The following GLP1R variants were observed in gnomAD, a reference collection of about 807,000 sequenced individuals.
The protein encoded by GLP1R is glucagon like peptide 1 receptor.
GLP1R carries 32 observed loss-of-function variants against 68.4 expected under a neutral mutation model. The ratio of observed to expected loss-of-function variants is 0.47; its 90% CI spans 0.35 to 0.63. GLP1R has a LOEUF of 0.63. GLP1R is among the 20% of genes least tolerant of loss of function. GLP1R has a pLI of 0.00. For missense variants in GLP1R, 502 were observed against 594.9 expected, an observed-to-expected ratio of 0.84 and a Z score of 1.62; for synonymous variants, 263 against 244.4, an observed-to-expected ratio of 1.08 and a Z score of -0.71.
intron 6 of GLP1R, among the ~76,000 whole-genome samples, chr6:39,073,343 CACTT>C (rs1768724552): frequency 6.6e-6 from 1 of 152,238 alleles, no homozygotes; most frequent in Admixed American, 6.5e-5. Flanking sequence ...TTAGGCAAGT[CACTT>C]ACTTCTCTGA....
intron 11 of GLP1R, among the ~76,000 whole-genome samples, chr6:39,080,086 C>T (rs1768955870): frequency 6.6e-6 from 1 of 152,138 alleles, no homozygotes; most frequent in South Asian, 2.1e-4. Flanking sequence ...GGTGTTAAAA[C>T]CAGAGTTACG....
intron 1 of GLP1R, among the ~76,000 whole-genome samples, chr6:39,052,844 C>A (rs148926628): frequency 6.6e-6 from 1 of 152,194 alleles, no homozygotes; most frequent in Admixed American, 6.5e-5. Context: ...AAAGATAAAT[C>A]GTGTCCCACA....
chr6:39,080,786 T>A, intron 12 of GLP1R, 47 bp downstream of exon 12: 4 of 1,273,066 alleles, frequency 3.1e-6, no homozygotes, highest in Non-Finnish European at 3.4e-6. Flanking sequence ...GTGGGTACCA[T>A]CAGCCCGTCT....
chr6:39,087,288 G>A lies in GLP1R; in HGVS notation c.*1215G>A, dbSNP rs963892890. 2 of 152,220 alleles carry A rather than the reference G, an allele frequency of 1.3e-5. No homozygotes were observed. The highest frequency in any genetic ancestry group is 4.8e-5 in the African/African-American group (2 of 41,444). 9.4% of individuals were successfully genotyped at this position (152,220 alleles called of 1,614,324 possible). A position where few individuals can be genotyped will look rare whatever the true frequency, so the allele number is the denominator to read the frequency against. Reference sequence around the variant, plus strand: ...TGATGTTGTTTGGGAGAGTGCAGTAGTAATTGATTTGACCCACTCACACTT... The same window carrying A: ...TGATGTTGTTTGGGAGAGTGCAGTAATAATTGATTTGACCCACTCACACTT... On this transcript the variant is annotated 3_prime_UTR_variant, in exon 13 of 13. Coordinates refer to ENST00000373256, the MANE Select transcript of GLP1R (RefSeq NM_002062.5).
chr6:39,080,573 G>T (rs1203995224), intron 11 of GLP1R, 125 bp from the exon 12 acceptor site: 22 of 632,548 alleles, frequency 3.5e-5, no homozygotes, highest in Admixed American at 3.1e-4. Flanking sequence ...TCCTGGATCT[G>T]CCTGGGCCGC....
chr6:39,078,755 A>G (rs915296592), intron 8 of GLP1R, among the ~76,000 whole-genome samples: 2 of 151,982 alleles, frequency 1.3e-5, no homozygotes, highest in African/African-American at 4.8e-5. Context: ...ATGACTGTGT[A>G]TTTGGACTAT....
rs965914089 is a variant in GLP1R, at chr6:39,091,053, G to A, written c.*4980G>A. Among the ~76,000 whole-genome samples the A allele has an allele frequency of 6.6e-6, 1 of 152,160 alleles. No individual in the cohort carries two copies. Among genetic ancestry groups the A allele is most frequent in the African/African-American group, 2.4e-5 (1 of 41,448 alleles). On this transcript the variant is annotated 3_prime_UTR_variant, in exon 13 of 13. Transcript: ENST00000373256. ...AACCTTTAAATGCACCAACAGAGAGGTAAGCCAAGCTCTCAGGAGGGACAA... is the reference window on the plus strand; with the variant it reads ...AACCTTTAAATGCACCAACAGAGAGATAAGCCAAGCTCTCAGGAGGGACAA...
intron 5 of GLP1R, among the ~76,000 whole-genome samples, chr6:39,068,472 C>G (rs928853340): frequency 2.0e-5 from 3 of 152,196 alleles, no homozygotes; most frequent in African/African-American, 7.2e-5. Context: ...TGTGCCTTAA[C>G]TACTATAGAT....
intron 7 of GLP1R, among the ~76,000 whole-genome samples, chr6:39,075,316 C>T (rs1188954475): frequency 6.6e-6 from 1 of 152,216 alleles, no homozygotes; most frequent in Admixed American, 6.5e-5. Flanking sequence ...TCGAGGGCAG[C>T]TCAGGGAAGG....
chr6:39,081,574 T>C (rs1182404719), intron 12 of GLP1R, among the ~76,000 whole-genome samples: 1 of 152,190 alleles, frequency 6.6e-6, no homozygotes, highest in Non-Finnish European at 1.5e-5. Flanking sequence ...ACCAAGGTAC[T>C]CAGCTTTGGA....
intron 1 of GLP1R, among the ~76,000 whole-genome samples, chr6:39,053,256 A>T (rs924055497): frequency 6.6e-6 from 1 of 152,016 alleles, no homozygotes; most frequent in African/African-American, 2.4e-5. Flanking sequence ...TGCAGCAGGG[A>T]CTTATGTTGT....
rs994493085 is a variant in GLP1R at position 39,077,767 on chromosome 6, G to C, written c.824-555G>C. Among the ~76,000 whole-genome samples the C allele has an allele frequency of 2.0e-5, 3 of 152,140 alleles. 1 individual carries two copies. In the South Asian group the frequency reaches 6.2e-4, roughly 32 times the overall value. ...AGCTGTTGTTATTGTAGGCCACTGC[G>C]GACAGTTAGTTGGTCAGCTGGCATC... is the stretch of plus-strand genomic sequence containing the variant. On this transcript the variant is annotated intron_variant, in intron 7 of 12. Transcript: ENST00000373256.
At chr6:39,071,518 AT>A (rs375966680) in intron 5 of GLP1R, among the ~76,000 whole-genome samples, 17 of 150,268 alleles carry the variant, frequency 1.1e-4, no homozygotes, top group East Asian at 3.9e-4. Flanking sequence ...AAAGGATTTC[AT>A]TTTTTTTTCT....
intron 5 of GLP1R, among the ~76,000 whole-genome samples, chr6:39,068,802 A>C (rs879819913): frequency 7.2e-5 from 11 of 152,176 alleles, no homozygotes; most frequent in Non-Finnish European, 1.5e-4. Context: ...CTCCTCCCCC[A>C]GAACTGTTCT....
intron 1 of GLP1R, among the ~76,000 whole-genome samples, chr6:39,055,724 G>GAGTT (rs112730162): frequency 6.6e-6 from 1 of 151,292 alleles, no homozygotes; most frequent in South Asian, 2.1e-4. Context: ...CACGGGGAGG[G>GAGTT]GGTGGGGGGT....
chr6:39,089,976 T>C lies in GLP1R; in HGVS notation c.*3903T>C, dbSNP rs1470734605. 6.6e-6 allele frequency among the ~76,000 whole-genome samples: 1 copy of C among 152,230 alleles called. No individual in the cohort carries two copies. The highest frequency in any genetic ancestry group is 1.9e-4 in the East Asian group (1 of 5,196). ...TACTCTGCAAAGACACCTGTGTGAA[T>C]GACGTGCTAAACATTCAGCAGAAAC... On this transcript the variant is annotated 3_prime_UTR_variant, in exon 13 of 13. Coordinates refer to ENST00000373256, the MANE Select transcript of GLP1R (RefSeq NM_002062.5). This position sits in a 1 kb window ranked among gnomAD's most constrained non-coding sequence, Gnocchi z 4.1.
chr6:39,078,888 T>C, intron 8 of GLP1R, 69 bp from the exon 9 acceptor site: 1 of 1,348,900 alleles, frequency 7.4e-7, no homozygotes, highest in South Asian at 1.2e-5. Context: ...GCGGCCTCTG[T>C]GCCTGCACCT....
At chr6:39,071,982 TG>T (rs1369469046) in intron 5 of GLP1R, among the ~76,000 whole-genome samples, 90 of 152,354 alleles carry the variant, frequency 5.9e-4, no homozygotes, top group African/African-American at 2.0e-3. Flanking sequence ...ACCTATCTTC[TG>T]TTAGACTCAT....
chr6:39,055,854 T>C (rs10305432), intron 1 of GLP1R, among the ~76,000 whole-genome samples: 25,824 of 152,138 alleles, frequency 0.17, 2,741 homozygotes, highest in East Asian at 0.28. Context: ...CACCTTGCGA[T>C]ATTCTACCAT....
Sources: gnomAD v4.1 joint callset for allele counts (sites outside exome capture counted in the v4.1 genomes callset) on GRCh38, gnomAD v4.1.1 for gene constraint, Gnocchi (gnomAD v3.1) non-coding constraint, MANE v1.5 for transcripts, NCBI Gene and HGNC (gene_info 2026-07-23, HGNC 2026-07-21) for gene names.